Variants in FFAR4 observed in about 807,000 individuals in gnomAD.
FFAR4 encodes free fatty acid receptor 4, also known as G-protein coupled receptor 120.
Under a neutral mutation model 27.0 loss-of-function variants are expected in FFAR4, and 19 were observed. That is an observed-to-expected ratio of 0.70 (90% CI 0.49 to 1.03). FFAR4 has a LOEUF of 1.03. Among genes scored for constraint, FFAR4 ranks in the 50% least tolerant of loss-of-function variants. The pLI, the probability that FFAR4 is intolerant of heterozygous loss-of-function variation, is 0.00. For missense variants in FFAR4, 476 were observed against 479.0 expected, an observed-to-expected ratio of 0.99 and a Z score of 0.06; for synonymous variants, 254 against 215.6, an observed-to-expected ratio of 1.18 and a Z score of -1.56.
At chr10:93,578,428 A>AAAAAAAAAAAAAAAAG (rs2058178248) in intron 2 of FFAR4, among the ~76,000 whole-genome samples, 1 of 149,640 alleles carries the variant, frequency 6.7e-6, no homozygotes, top group African/African-American at 2.5e-5. Flanking sequence ...AAAAAAAAAA[A>AAAAAAAAAAAAAAAAG]AAAAAAAAAA....
chr10:93,585,992 C>A (rs995076724), intron 2 of FFAR4, among the ~76,000 whole-genome samples: 3 of 152,172 alleles, frequency 2.0e-5, no homozygotes, highest in African/African-American at 7.2e-5. Flanking sequence ...AGGAAAGGAA[C>A]CTAGGGTGGG....
At chr10:93,584,465 T>C (rs1003340984) in intron 2 of FFAR4, among the ~76,000 whole-genome samples, 1 of 152,198 alleles carries the variant, frequency 6.6e-6, no homozygotes, top group Non-Finnish European at 1.5e-5. Context: ...GGAACAATGA[T>C]AGTACAAATC....
intron 2 of FFAR4, among the ~76,000 whole-genome samples, chr10:93,585,298 T>G (rs1021322258): frequency 1.3e-5 from 2 of 152,174 alleles, no homozygotes. Flanking sequence ...TTTATTCTAC[T>G]GACATGCTCA....
intron 1 of FFAR4, among the ~76,000 whole-genome samples, chr10:93,574,494 G>T (rs1431709237): frequency 2.0e-5 from 3 of 152,268 alleles, no homozygotes; most frequent in East Asian, 1.9e-4. Flanking sequence ...TTGGAATGAG[G>T]GGTCCATAGT....
At chr10:93,568,292 C>G (rs543469373) in intron 1 of FFAR4, among the ~76,000 whole-genome samples, 2 of 152,218 alleles carry the variant, frequency 1.3e-5, no homozygotes, top group East Asian at 3.9e-4. Flanking sequence ...CCATGCCTCG[C>G]GGAGAGAGAT....
chr10:93,573,412 C>T (rs986250029), intron 1 of FFAR4, among the ~76,000 whole-genome samples: 5 of 152,192 alleles, frequency 3.3e-5, no homozygotes, highest in African/African-American at 9.7e-5. Context: ...GGACTCACAT[C>T]CCCACCTTCC....
intron 2 of FFAR4, among the ~76,000 whole-genome samples, chr10:93,582,566 ATCC>A (rs2058204514): frequency 7.4e-6 from 1 of 134,592 alleles, no homozygotes; most frequent in Admixed American, 7.6e-5. Flanking sequence ...AAAAAAAAAA[ATCC>A]ATCCACTTAA....
At position 93,574,850 on chromosome 10, in the gene FFAR4, G is replaced by T. The variant is rs996327382; in HGVS notation, c.568-1241G>T. Reference sequence around the variant, plus strand: ...GGAGGCGGAGGTTGCAGTGAGCCGAGATCGCGCCACCGCACTCCAGACTGG... The same window carrying T: ...GGAGGCGGAGGTTGCAGTGAGCCGATATCGCGCCACCGCACTCCAGACTGG... On this transcript the variant is annotated intron_variant, in intron 1 of 2. Transcript: ENST00000371481. 2.0e-5 allele frequency among the ~76,000 whole-genome samples: 3 copies of T among 152,252 alleles called. No homozygotes were observed. The South Asian group carries it at 6.2e-4, about 32-fold the overall frequency.
intron 2 of FFAR4, among the ~76,000 whole-genome samples, chr10:93,586,335 C>T (rs1485742273): frequency 6.6e-6 from 1 of 152,114 alleles, no homozygotes; most frequent in African/African-American, 2.4e-5. Flanking sequence ...ACATTTTCTT[C>T]CCCTTCTGCC....
At chr10:93,576,925 C>T (rs539541617) in intron 2 of FFAR4, among the ~76,000 whole-genome samples, 1 of 152,176 alleles carries the variant, frequency 6.6e-6, no homozygotes, top group South Asian at 2.1e-4. Flanking sequence ...GGTGTAGGCT[C>T]AAACTGAGTG....
intron 1 of FFAR4, among the ~76,000 whole-genome samples, chr10:93,569,943 C>T (rs1359111879): frequency 6.6e-6 from 1 of 151,686 alleles, no homozygotes; most frequent in Non-Finnish European, 1.5e-5. Context: ...CCTGTAGTCC[C>T]AGCTACAAGG....
intron 2 of FFAR4, 102 bp from the exon 3 acceptor site, chr10:93,587,118 A>T: frequency 9.8e-7 from 1 of 1,021,612 alleles, no homozygotes; most frequent in Non-Finnish European, 1.4e-6. Flanking sequence ...ACACAGCTTC[A>T]GTGCCTTGGG....
chr10:93,573,453 T>A (rs2058143537), intron 1 of FFAR4, among the ~76,000 whole-genome samples: 1 of 152,184 alleles, frequency 6.6e-6, no homozygotes, highest in Non-Finnish European at 1.5e-5. Flanking sequence ...CTCCTCTACA[T>A]GTCACAGCCT....
At chr10:93,579,457 T>C (rs968640004) in intron 2 of FFAR4, among the ~76,000 whole-genome samples, 1 of 152,132 alleles carries the variant, frequency 6.6e-6, no homozygotes, top group African/African-American at 2.4e-5. Flanking sequence ...ATGGGTCACT[T>C]CCCCACTTCA....
At position 93,572,688 on chromosome 10, in the gene FFAR4, C is replaced by A. The variant is rs1351782427; in HGVS notation, c.568-3403C>A. Reference sequence around the variant, plus strand: ...TTTCTGGCAGCTTGGAGAATGGTGGCCCTGTGCCCTGATTCAGGGAGTGCA... The same window carrying A: ...TTTCTGGCAGCTTGGAGAATGGTGGACCTGTGCCCTGATTCAGGGAGTGCA... On this transcript the variant is annotated intron_variant, in intron 1 of 2. Coordinates refer to ENST00000371481, the MANE Select transcript of FFAR4 (RefSeq NM_001195755.2). Among the ~76,000 whole-genome samples, 5 of 152,248 alleles carry A rather than the reference C, an allele frequency of 3.3e-5. No individual in the cohort carries two copies. The East Asian group carries it at 9.7e-4, about 29-fold the overall frequency.
In FFAR4 at chr10:93,570,181, G is replaced by GTC. The variant is rs200342645; in HGVS notation, c.567+2901_567+2902dup. On this transcript the variant is annotated intron_variant, in intron 1 of 2. Coordinates refer to ENST00000371481, the MANE Select transcript of FFAR4 (RefSeq NM_001195755.2). ...CTCATCTCTCTCTCTCTCTGTCTCT[G>GTC]TCTCTCTCACACACACACACACACA... is the stretch of plus-strand genomic sequence containing the variant. 1.1e-3 allele frequency among the ~76,000 whole-genome samples: 153 copies of GTC among 144,462 alleles called. 1 individual carries two copies. Among genetic ancestry groups the GTC allele is most frequent in the African/African-American group, 2.6e-3 (103 of 39,294 alleles). The allele number at this position is 144,462 out of a possible 152,430, so 94.8% of individuals were successfully genotyped here. A position where few individuals can be genotyped will look rare whatever the true frequency, so the allele number is the denominator to read the frequency against.
At chr10:93,580,590 TA>T (rs775815604) in intron 2 of FFAR4, among the ~76,000 whole-genome samples, 1 of 152,224 alleles carries the variant, frequency 6.6e-6, no homozygotes, top group Non-Finnish European at 1.5e-5. Context: ...TCCCACACAG[TA>T]ATAGAATAGG....
At chr10:93,567,408 T>G (rs1252723040) in intron 1 of FFAR4, 121 bp downstream of exon 1, 1 of 860,720 alleles carries the variant, frequency 1.2e-6, no homozygotes, top group Non-Finnish European at 1.8e-6. Context: ...ACTTAATCGT[T>G]GTGCCAAATC....
intron 1 of FFAR4, among the ~76,000 whole-genome samples, chr10:93,568,461 C>T (rs1440773668): frequency 6.6e-6 from 1 of 152,142 alleles, no homozygotes; most frequent in African/African-American, 2.4e-5. Flanking sequence ...GAATATGGGG[C>T]GCCCTGAGTA....
Sources: gnomAD v4.1 joint callset for allele counts (sites outside exome capture counted in the v4.1 genomes callset) on GRCh38, gnomAD v4.1.1 for gene constraint, MANE v1.5 for transcripts, NCBI Gene and HGNC (gene_info 2026-07-23, HGNC 2026-07-21) for gene names.